The following ATP9B variants were observed in gnomAD, a reference collection of about 807,000 sequenced individuals.
ATP9B encodes the protein ATPase phospholipid transporting 9B.
In ATP9B, 110 loss-of-function variants were observed where a neutral mutation model predicts 146.1. The ratio of observed to expected loss-of-function variants is 0.75; its 90% CI spans 0.65 to 0.88. ATP9B has a LOEUF of 0.88. Ranked by LOEUF, ATP9B falls within the 40% of genes least tolerant of loss-of-function variation. ATP9B has a pLI of 0.00. For synonymous variants in ATP9B, 604 were observed against 569.7 expected (o/e 1.06, Z -0.86); for missense variants, 1,499 against 1,496.4 (o/e 1.00, Z -0.03).
At chr18:79,217,249 A>G (rs1362277321) in intron 11 of ATP9B, among the ~76,000 whole-genome samples, 1 of 152,152 alleles carries the variant, frequency 6.6e-6, no homozygotes, top group Non-Finnish European at 1.5e-5. Flanking sequence ...CGGTGGCGCA[A>G]TCTCGGCTCA....
At chr18:79,201,359 G>T (rs1429609886) in intron 9 of ATP9B, among the ~76,000 whole-genome samples, 3 of 152,204 alleles carry the variant, frequency 2.0e-5, no homozygotes, top group African/African-American at 7.2e-5. Context: ...ACTGGGCATT[G>T]TTAAGGAGTG....
intron 19 of ATP9B, among the ~76,000 whole-genome samples, chr18:79,341,150 G>A (rs1048012182): frequency 5.3e-5 from 8 of 151,896 alleles, no homozygotes; most frequent in East Asian, 1.9e-4. Context: ...GCGTGACCTC[G>A]TTGAAGTCTG....
At chr18:79,101,532 T>G (rs2075282006) in intron 2 of ATP9B, among the ~76,000 whole-genome samples, 1 of 152,176 alleles carries the variant, frequency 6.6e-6, no homozygotes, top group Non-Finnish European at 1.5e-5. Context: ...AAGTTTTCAT[T>G]TCTCTGGAAT....
chr18:79,167,914 G>C (rs1294124757), intron 7 of ATP9B, among the ~76,000 whole-genome samples: 1 of 151,846 alleles, frequency 6.6e-6, no homozygotes, highest in Non-Finnish European at 1.5e-5. Context: ...TTGTCCCAAG[G>C]TTGCCTGCAG....
intron 8 of ATP9B, among the ~76,000 whole-genome samples, chr18:79,186,779 C>A (rs1248776303): frequency 6.6e-6 from 1 of 152,214 alleles, no homozygotes; most frequent in Non-Finnish European, 1.5e-5. Context: ...GTATGTTCAA[C>A]CTTCAGTCCA....
intron 10 of ATP9B, 37 bp downstream of exon 10, chr18:79,207,049 C>A: frequency 6.3e-7 from 1 of 1,577,372 alleles, no homozygotes; most frequent in South Asian, 1.1e-5. Context: ...TGATTGCTCC[C>A]GGATAGATGA....
At chr18:79,257,599 A>G (rs115858805) in intron 12 of ATP9B, among the ~76,000 whole-genome samples, 1,802 of 152,324 alleles carry the variant, frequency 0.012, 36 homozygotes, top group African/African-American at 0.041. Context: ...TGGTGAGGCC[A>G]CCGTGGAAGA....
chr18:79,280,937 C>T (rs139018576), intron 13 of ATP9B, among the ~76,000 whole-genome samples: 54 of 152,230 alleles, frequency 3.5e-4, no homozygotes, highest in Non-Finnish European at 2.9e-4. Flanking sequence ...AATATAATCA[C>T]TTTATATCAA....
At chr18:79,327,653 T>G (rs1236642409) in intron 15 of ATP9B, among the ~76,000 whole-genome samples, 1 of 143,254 alleles carries the variant, frequency 7.0e-6, no homozygotes, top group African/African-American at 2.6e-5. Flanking sequence ...TAGCATGCTC[T>G]CCGTGTTTAG....
chr18:79,199,926 T>C (rs1186040746), intron 9 of ATP9B, among the ~76,000 whole-genome samples: 1 of 152,236 alleles, frequency 6.6e-6, no homozygotes, highest in East Asian at 1.9e-4. Context: ...AATGTGTTTT[T>C]CTGGCAGAAC....
chr18:79,335,128 G>A (rs1319040695), intron 17 of ATP9B, among the ~76,000 whole-genome samples: 2 of 152,204 alleles, frequency 1.3e-5, no homozygotes, highest in Non-Finnish European at 2.9e-5. Context: ...GGCTTCTGCC[G>A]CTCTGCCAGA....
intron 23 of ATP9B, among the ~76,000 whole-genome samples, chr18:79,347,079 C>A (rs997934904): frequency 3.3e-5 from 5 of 152,228 alleles, no homozygotes; most frequent in Admixed American, 2.0e-4. Flanking sequence ...TTTCCATGGC[C>A]TCCCTCCTGT....
chr18:79,229,978 T>TA (rs144310383), intron 11 of ATP9B, among the ~76,000 whole-genome samples: 3,445 of 147,744 alleles, frequency 0.023, 135 homozygotes, highest in African/African-American at 0.079. Context: ...TTTAGTGCAT[T>TA]AAAAAAAAAA....
rs1202969306 is a variant in ATP9B at position 79,239,231 on chromosome 18, G to GGTGGACT, written c.1108-14136_1108-14130dup. On this transcript the variant is annotated intron_variant, in intron 11 of 29. Coordinates refer to ENST00000426216, the MANE Select transcript of ATP9B (RefSeq NM_198531.5). The surrounding 1 kb of genome is among the most constrained non-coding windows in gnomAD (Gnocchi z 5.1). ...CTGGGGCGAGACAGGGCCTGGCCCT[G>GGTGGACT]GTGGACTGTGGACTGTGGACCACCG... is the stretch of plus-strand genomic sequence containing the variant. Among the ~76,000 whole-genome samples the GGTGGACT allele has an allele frequency of 6.6e-6, 1 of 152,196 alleles. No individual in the cohort carries two copies. Among genetic ancestry groups the GGTGGACT allele is most frequent in the South Asian group, 2.1e-4 (1 of 4,826 alleles).
At position 79,101,617 on chromosome 18, in the gene ATP9B, T is replaced by A. The variant is rs145422105; in HGVS notation, c.293+4968T>A. Among the ~76,000 whole-genome samples, 1,058 of 152,136 alleles carry A rather than the reference T, an allele frequency of 7.0e-3. 14 individuals carry two copies. The highest frequency in any genetic ancestry group is 0.024 in the African/African-American group (1,007 of 41,562). ...CTTTTTAAGAAACTGCCAAAATATT[T>A]CCCAGAGTTGCTGTACCATTTTACA... On this transcript the variant is annotated intron_variant, in intron 2 of 29. Transcript: ENST00000426216.
intron 11 of ATP9B, among the ~76,000 whole-genome samples, chr18:79,222,283 C>T (rs1455097487): frequency 6.6e-6 from 1 of 151,898 alleles, no homozygotes; most frequent in African/African-American, 2.4e-5. Flanking sequence ...TGCTCGAACC[C>T]AGGAAGTGGA....
intron 17 of ATP9B, among the ~76,000 whole-genome samples, chr18:79,331,036 A>G (rs1305034632): frequency 6.6e-6 from 1 of 152,264 alleles, no homozygotes; most frequent in African/African-American, 2.4e-5. Flanking sequence ...TGAAGTAAAT[A>G]GGATTTGTAG....
rs1023097911 is a variant in ATP9B at position 79,239,979 on chromosome 18, C to T, written c.1108-13402C>T. On this transcript the variant is annotated intron_variant, in intron 11 of 29. Coordinates refer to ENST00000426216, the MANE Select transcript of ATP9B (RefSeq NM_198531.5). This position sits in a 1 kb window ranked among gnomAD's most constrained non-coding sequence, Gnocchi z 5.1. ...CCACGCCTCAGGGGCCCCACACCCG[C>T]GGTCTCTTCCTAGAGCTGCAGTCCC... 1.3e-5 allele frequency among the ~76,000 whole-genome samples: 2 copies of T among 152,186 alleles called. No individual in the cohort carries two copies. Among genetic ancestry groups the T allele is most frequent in the Admixed American group, 6.5e-5 (1 of 15,288 alleles).
intron 26 of ATP9B, 196 bp downstream of exon 26, chr18:79,359,658 A>C (rs946892668): frequency 1.8e-6 from 1 of 566,924 alleles, no homozygotes; most frequent in Admixed American, 3.0e-5. Context: ...AAGGGGAAAA[A>C]CATCTCAGGG....
Sources: allele counts gnomAD v4.1 joint callset (sites outside exome capture counted in the v4.1 genomes callset), GRCh38; gene constraint gnomAD v4.1.1; non-coding constraint Gnocchi (gnomAD v3.1); transcripts MANE v1.5; gene names NCBI Gene and HGNC (gene_info 2026-07-23, HGNC 2026-07-21).